Variants in STARD9 observed in about 807,000 individuals in gnomAD.
STARD9 encodes StAR related lipid transfer domain containing 9.
In STARD9, 346 loss-of-function variants were observed where a neutral mutation model predicts 399.8. The observed-to-expected ratio is 0.87, with a 90% CI of 0.79 to 0.95. The LOEUF is 0.95. Ranked by LOEUF, STARD9 falls within the 40% of genes least tolerant of loss-of-function variation. The pLI is 0.00. For synonymous variants in STARD9, 2,203 were observed against 2,143.5 expected (o/e 1.03, Z -0.77); for missense variants, 5,832 against 5,667.5 (o/e 1.03, Z -0.93).
rs1331921780 is a variant in STARD9, at chr15:42,634,931, C to T, written c.310C>T (p.Gln104Ter). The change falls in exon 4 of 33, where the codon CAG becomes TAG. Residue 104 changes from glutamine (Q) to a stop codon, truncating the protein, a stop_gained. Transcript: ENST00000290607. LOFTEE classifies it high-confidence loss of function. ...GYNICLFAYG[Q>*]TGSGKTYTML... ...TAACATATGCCTTTTTGCTTATGGACAGACAGGCTCTGGGAAGACATATAC... is the reference window on the plus strand; with the variant it reads ...TAACATATGCCTTTTTGCTTATGGATAGACAGGCTCTGGGAAGACATATAC... 6.5e-7 allele frequency: 1 copy of T among 1,536,900 alleles called. No individual in the cohort carries two copies. Among genetic ancestry groups the T allele is most frequent in the Non-Finnish European group, 8.7e-7 (1 of 1,146,654 alleles).
chr15:42,593,586 T>C (rs1566858279), intron 3 of STARD9, among the ~76,000 whole-genome samples: 4 of 152,034 alleles, frequency 2.6e-5, no homozygotes, highest in Non-Finnish European at 1.5e-5. Context: ...CAGGAGATTT[T>C]TGTCTGAATT....
intron 20 of STARD9, 72 bp from the exon 21 acceptor site, chr15:42,681,350 T>TA (rs1157291999): frequency 7.6e-6 from 11 of 1,452,922 alleles, no homozygotes; most frequent in Middle Eastern, 2.4e-4. Context: ...TGGAAGGCCT[T>TA]ACACTGCTAT....
intron 3 of STARD9, among the ~76,000 whole-genome samples, chr15:42,626,951 A>C (rs991863805): frequency 6.6e-6 from 1 of 151,834 alleles, no homozygotes; most frequent in Non-Finnish European, 1.5e-5. Flanking sequence ...CCGCGGCTAA[A>C]GCGATCCTTC....
intron 1 of STARD9, chr15:42,581,291 G>A (rs2058163606): frequency 8.9e-7 from 1 of 1,120,540 alleles, no homozygotes; most frequent in African/African-American, 1.5e-5. Context: ...TCTGAGCCAT[G>A]GAAGAACTGC....
intron 3 of STARD9, among the ~76,000 whole-genome samples, chr15:42,595,059 C>G (rs933840323): frequency 2.0e-5 from 3 of 152,124 alleles, no homozygotes; most frequent in Admixed American, 2.0e-4. Context: ...GTGTGACCTT[C>G]CCTTCTTTTA....
intron 3 of STARD9, among the ~76,000 whole-genome samples, chr15:42,620,794 G>C (rs567863030): frequency 6.6e-6 from 1 of 151,052 alleles, no homozygotes; most frequent in African/African-American, 2.4e-5. Context: ...TCCCTGTGTC[G>C]CCCAGGCTGG....
At position 42,695,878 on chromosome 15, in the gene STARD9, A is replaced by G. The variant is rs555090454; in HGVS notation, c.13282A>G (p.Met4428Val). 5 of 1,537,012 alleles carry G rather than the reference A, an allele frequency of 3.3e-6. No individual in the cohort carries two copies. The highest frequency in any genetic ancestry group is 2.7e-5 in the African/African-American group (2 of 73,168). ...LSGQLQFPENMGHTNLPDSRD... is the reference protein window; with the variant it reads ...LSGQLQFPENVGHTNLPDSRD... ...AGGCCAGCTCCAGTTCCCAGAGAAT[A>G]TGGTGAGTAGGCAGATGTTGGGAAT... Residue 4428 changes from methionine to valine, a missense_variant and splice_region_variant, in exon 26 of 33, where the codon ATG becomes GTG. Transcript: ENST00000290607.
rs1017822732 is a variant in STARD9, at chr15:42,693,683, G to A, written c.12105G>A (p.Lys4035=). 1.3e-6 allele frequency: 2 copies of A among 1,537,224 alleles called. No homozygotes were observed. The highest frequency in any genetic ancestry group is 8.7e-7 in the Non-Finnish European group (1 of 1,146,926). ...TGGGCAACAGCTTTGTGCCTGAGAA[G>A]GTGGCTTCCCCGGAGCATTGCCCAC... ...QRLGNSFVPE[K]VASPEHCPLS... The change falls in exon 23 of 33, where the codon AAG becomes AAA. Residue 4035 remains lysine (K), a synonymous_variant. Transcript: ENST00000290607.
intron 26 of STARD9, among the ~76,000 whole-genome samples, chr15:42,715,950 G>GT (rs1199377855): frequency 6.6e-6 from 1 of 152,218 alleles, no homozygotes. Context: ...TAAGCCAGAG[G>GT]CAGAAGGGCC....
intron 3 of STARD9, among the ~76,000 whole-genome samples, chr15:42,614,780 C>G (rs1190864687): frequency 6.6e-6 from 1 of 151,980 alleles, no homozygotes; most frequent in Admixed American, 6.6e-5. Context: ...GCCTGGCCAG[C>G]GTGGTGAAAC....
rs1326065017 is a variant in STARD9 at position 42,685,088 on chromosome 15, C to T, written c.3510C>T (p.Asn1170=). Residue 1170 remains asparagine (N), a synonymous_variant, in exon 23 of 33, where the codon AAC becomes AAT. Transcript: ENST00000290607. ...GGCTAGGGGGCAATCGTCCCACCAACAACCGTGGCCAACCCAGGACCAGAA... is the reference window on the plus strand; with the variant it reads ...GGCTAGGGGGCAATCGTCCCACCAATAACCGTGGCCAACCCAGGACCAGAA... ...KNRLGGNRPT[N]NRGQPRTRTR... The T allele has an allele frequency of 1.3e-6, 2 of 1,537,112 alleles. No homozygotes were observed. The highest frequency in any genetic ancestry group is 1.7e-6 in the Non-Finnish European group (2 of 1,146,942).
chr15:42,630,931 G>GT (rs1031020369), intron 3 of STARD9, among the ~76,000 whole-genome samples: 4 of 146,200 alleles, frequency 2.7e-5, no homozygotes, highest in African/African-American at 1.0e-4. Context: ...TCTGCTCTAA[G>GT]TTTTTTTCTT....
At chr15:42,695,624 G>A (rs2060826387) in intron 25 of STARD9, 119 bp from the exon 26 acceptor site, 2 of 1,188,372 alleles carry the variant, frequency 1.7e-6, no homozygotes, top group Non-Finnish European at 1.2e-6. Flanking sequence ...GGCCCTGGGA[G>A]GTGGGTGAAG....
intron 22 of STARD9, among the ~76,000 whole-genome samples, chr15:42,683,174 C>T (rs1263853232): frequency 6.6e-6 from 1 of 152,214 alleles, no homozygotes; most frequent in African/African-American, 2.4e-5. Context: ...TCCTCAGGAC[C>T]TAGCACAGGT....
chr15:42,651,189 T>C (rs927259498), intron 8 of STARD9, 104 bp downstream of exon 8: 12 of 735,672 alleles, frequency 1.6e-5, no homozygotes, highest in Non-Finnish European at 2.5e-5. Context: ...ATTGTCTCTG[T>C]GTGTAGAGAT....
chr15:42,681,630 A>G lies in STARD9; in HGVS notation c.2065+18A>G, dbSNP rs1299118332. 1.3e-6 allele frequency: 2 copies of G among 1,524,882 alleles called. No homozygotes were observed. The highest frequency in any genetic ancestry group is 4.9e-5 in the East Asian group (2 of 40,722). The allele number at this position is 1,524,882 out of a possible 1,614,324, so 94.5% of individuals were successfully genotyped here. On this transcript the variant is annotated intron_variant, in intron 21 of 32. Coordinates refer to ENST00000290607, the MANE Select transcript of STARD9 (RefSeq NM_020759.3). ...TAAAGAAAGTAGGTGTCCACCACTT[A>G]ATGTGTCTGCCTCACCTCCTTATTC...
rs116565691 is a variant in STARD9, at chr15:42,595,934, G to A, written c.234+10297G>A. On this transcript the variant is annotated intron_variant, in intron 3 of 32. Coordinates refer to ENST00000290607, the MANE Select transcript of STARD9 (RefSeq NM_020759.3). ...GATTTTAATCTAACTTGTTTTTTCC[G>A]TCTTTAGAAACTTGACTGTGAATCT... Among the ~76,000 whole-genome samples, 497 of 152,208 alleles carry A rather than the reference G, an allele frequency of 3.3e-3. 6 individuals carry two copies. Among genetic ancestry groups the A allele is most frequent in the African/African-American group, 0.011 (468 of 41,516 alleles).
chr15:42,684,474 A>G lies in STARD9; in HGVS notation c.2896A>G (p.Lys966Glu), dbSNP rs1184208918. 6.5e-7 allele frequency: 1 copy of G among 1,537,194 alleles called. No homozygotes were observed. The highest frequency in any genetic ancestry group is 1.4e-5 in the African/African-American group (1 of 73,150). ...ANKLKPRHEP[K>E]IFTSTTQTRG... ...CAAACTAAAGCCAAGGCATGAGCCA[A>G]AGATCTTCACCTCTACTACCCAGAC... The change falls in exon 23 of 33, where the codon AAG (lysine) becomes GAG (glutamate). Residue 966 changes from lysine (K) to glutamate (E), a missense_variant. Transcript: ENST00000290607.
At chr15:42,581,131 G>T in intron 1 of STARD9, 1 of 732,294 alleles carries the variant, frequency 1.4e-6, no homozygotes, top group South Asian at 1.4e-5. Context: ...AGAGTCAGAT[G>T]CCCATCTCCA....
Sources: allele counts gnomAD v4.1 joint callset (sites outside exome capture counted in the v4.1 genomes callset), GRCh38; gene constraint gnomAD v4.1.1; transcripts MANE v1.5; gene names NCBI Gene and HGNC (gene_info 2026-07-23, HGNC 2026-07-21).